The following B3GALT1 variants were observed in gnomAD, a reference collection of about 807,000 sequenced individuals.
B3GALT1 encodes beta-1,3-galactosyltransferase 1.
In B3GALT1, 10 loss-of-function variants were observed where a neutral mutation model predicts 23.2. The observed-to-expected ratio is 0.43, with a 90% confidence interval of 0.27 to 0.73. B3GALT1 has a LOEUF of 0.73. B3GALT1 is among the 30% of genes least tolerant of loss of function. The pLI, the probability that B3GALT1 is intolerant of heterozygous loss-of-function variation, is 0.21. For missense variants in B3GALT1, 299 were observed against 405.4 expected, an observed-to-expected ratio of 0.74 and a Z score of 2.25; for synonymous variants, 156 against 141.5, an observed-to-expected ratio of 1.10 and a Z score of -0.73.
intron 2 of B3GALT1, among the ~76,000 whole-genome samples, chr2:167,541,948 G>A (rs1683539611): frequency 6.6e-6 from 1 of 152,000 alleles, no homozygotes; most frequent in Admixed American, 6.6e-5. Context: ...TTCCTAAAAG[G>A]AGCTACTTGT....
At chr2:167,669,941 A>C (rs186723325) in intron 3 of B3GALT1, among the ~76,000 whole-genome samples, 1 of 152,306 alleles carries the variant, frequency 6.6e-6, no homozygotes, top group East Asian at 1.9e-4. Flanking sequence ...GCATGGGCTC[A>C]CAGAAACCAG....
chr2:167,608,923 T>C (rs1054532185), intron 2 of B3GALT1, among the ~76,000 whole-genome samples: 1 of 152,146 alleles, frequency 6.6e-6, no homozygotes, highest in Admixed American at 6.6e-5. Flanking sequence ...CTAGACTGAT[T>C]TGGTCTCATC....
chr2:167,327,765 A>G (rs1225111006), intron 1 of B3GALT1, among the ~76,000 whole-genome samples: 3 of 152,200 alleles, frequency 2.0e-5, no homozygotes, highest in African/African-American at 7.2e-5. Flanking sequence ...TATGTTGAAT[A>G]GGAGTGGTGA....
chr2:167,607,525 G>A (rs1024272019), intron 2 of B3GALT1, among the ~76,000 whole-genome samples: 17 of 152,044 alleles, frequency 1.1e-4, no homozygotes, highest in East Asian at 1.9e-4. Flanking sequence ...GAGTGTGTGC[G>A]TGTGTGTGTG....
At chr2:167,611,270 A>C (rs1685061741) in intron 2 of B3GALT1, among the ~76,000 whole-genome samples, 1 of 152,050 alleles carries the variant, frequency 6.6e-6, no homozygotes, top group Admixed American at 6.6e-5. Context: ...GCCTATGTAG[A>C]ATAATTCTAG....
intron 3 of B3GALT1, among the ~76,000 whole-genome samples, chr2:167,785,882 T>C (rs554720381): frequency 5.9e-5 from 9 of 152,294 alleles, no homozygotes; most frequent in Admixed American, 5.9e-4. Flanking sequence ...CTGTTGGAGG[T>C]TGACAAAGCT....
intron 1 of B3GALT1, among the ~76,000 whole-genome samples, chr2:167,453,937 T>A (rs1219413552): frequency 6.6e-6 from 1 of 152,200 alleles, no homozygotes; most frequent in East Asian, 1.9e-4. Flanking sequence ...TGAGCTTGGC[T>A]TCTACTTGTT....
rs1311118644 is a variant in B3GALT1, at chr2:167,367,844, A to C, written c.-511+74510A>C. On this transcript the variant is annotated intron_variant, in intron 1 of 4. Coordinates refer to ENST00000392690, the MANE Select transcript of B3GALT1 (RefSeq NM_020981.4). ...GTCTACCTTGCTAACATCCCTTTACACTAGTCTAGTCATTCTTTAAATCAT... is the reference window on the plus strand; with the variant it reads ...GTCTACCTTGCTAACATCCCTTTACCCTAGTCTAGTCATTCTTTAAATCAT... Among the ~76,000 whole-genome samples, 4 of 152,168 alleles carry C rather than the reference A, an allele frequency of 2.6e-5. No homozygotes were observed. In the East Asian group the frequency reaches 7.7e-4, roughly 29 times the overall value.
chr2:167,392,175 T>A (rs995222759), intron 1 of B3GALT1, among the ~76,000 whole-genome samples: 8 of 151,996 alleles, frequency 5.3e-5, no homozygotes, highest in Admixed American at 6.6e-5. Context: ...TATCTCTTTC[T>A]CCTCATTCTC....
chr2:167,305,465 T>C (rs1368632869), intron 1 of B3GALT1, among the ~76,000 whole-genome samples: 1 of 152,186 alleles, frequency 6.6e-6, no homozygotes, highest in Non-Finnish European at 1.5e-5. Context: ...TTGTGCATAT[T>C]ATTTCACACG....
At chr2:167,745,090 A>G (rs913424013) in intron 3 of B3GALT1, among the ~76,000 whole-genome samples, 1 of 147,292 alleles carries the variant, frequency 6.8e-6, no homozygotes, top group African/African-American at 2.4e-5. Context: ...TGAATTAATG[A>G]AAACTATTTT....
intron 3 of B3GALT1, among the ~76,000 whole-genome samples, chr2:167,711,147 A>C (rs1381695995): frequency 2.0e-5 from 3 of 151,974 alleles, no homozygotes; most frequent in Admixed American, 6.6e-5. Flanking sequence ...ACTGTGTTGC[A>C]TCTACTTGGA....
At chr2:167,746,872 A>C (rs1687660968) in intron 3 of B3GALT1, among the ~76,000 whole-genome samples, 1 of 152,182 alleles carries the variant, frequency 6.6e-6, no homozygotes, top group African/African-American at 2.4e-5. Flanking sequence ...GGGTTAGTAC[A>C]TATAATTTGA....
At chr2:167,675,257 T>C (rs1686403529) in intron 3 of B3GALT1, among the ~76,000 whole-genome samples, 1 of 152,158 alleles carries the variant, frequency 6.6e-6, no homozygotes, top group Non-Finnish European at 1.5e-5. Flanking sequence ...AGAAACTGAG[T>C]GGTCTGAAAA....
intron 1 of B3GALT1, among the ~76,000 whole-genome samples, chr2:167,360,267 A>G (rs192643528): frequency 6.6e-6 from 1 of 152,308 alleles, no homozygotes; most frequent in Non-Finnish European, 1.5e-5. Context: ...CAGTTCAGCC[A>G]AGTGTATAGT....
At position 167,659,392 on chromosome 2, in the gene B3GALT1, G is replaced by A. The variant is rs115306118; in HGVS notation, c.-352+12426G>A. ...TATTATTAGGAGCCTTTTGACAAGT[G>A]ACTAGATAGATGAAAACTTCAATAC... On this transcript the variant is annotated intron_variant, in intron 3 of 4. Coordinates refer to ENST00000392690, the MANE Select transcript of B3GALT1 (RefSeq NM_020981.4). Among the ~76,000 whole-genome samples, 640 of 152,060 alleles carry A rather than the reference G, an allele frequency of 4.2e-3. 5 individuals are homozygous for A. Among genetic ancestry groups the A allele is most frequent in the African/African-American group, 0.015 (620 of 41,492 alleles).
intron 2 of B3GALT1, among the ~76,000 whole-genome samples, chr2:167,618,157 C>T (rs1451629129): frequency 6.6e-6 from 1 of 152,018 alleles, no homozygotes; most frequent in Non-Finnish European, 1.5e-5. Context: ...TTCCTTGAAC[C>T]TTTATTTCAC....
At chr2:167,813,552 T>TA (rs1688933413) in intron 3 of B3GALT1, among the ~76,000 whole-genome samples, 1 of 152,230 alleles carries the variant, frequency 6.6e-6, no homozygotes, top group Non-Finnish European at 1.5e-5. Context: ...ATTGCCTAAC[T>TA]AACTGATGTT....
At chr2:167,419,049 G>GA (rs1387289304) in intron 1 of B3GALT1, among the ~76,000 whole-genome samples, 2 of 152,130 alleles carry the variant, frequency 1.3e-5, no homozygotes, top group East Asian at 3.9e-4. Flanking sequence ...TACTATACCA[G>GA]AAAAAAATAT....
Sources: gnomAD v4.1 joint callset for allele counts (sites outside exome capture counted in the v4.1 genomes callset) on GRCh38, gnomAD v4.1.1 for gene constraint, MANE v1.5 for transcripts, NCBI Gene and HGNC (gene_info 2026-07-23, HGNC 2026-07-21) for gene names.